The following SNRPN variants were observed in gnomAD, a reference collection of about 807,000 sequenced individuals.
SNRPN encodes the protein small nuclear ribonucleoprotein polypeptide N.
A neutral mutation model predicts 25.2 loss-of-function variants in SNRPN; 7 were observed. That is an observed-to-expected ratio of 0.28 (90% CI 0.16 to 0.52). The LOEUF (loss-of-function observed/expected upper bound fraction) is 0.52, where lower values mean the gene tolerates loss of function less well. Ranked by LOEUF, SNRPN falls within the 20% of genes least tolerant of loss-of-function variation. The pLI, the probability that SNRPN is intolerant of heterozygous loss-of-function variation, is 0.96. For missense variants in SNRPN, 196 were observed against 322.5 expected, an observed-to-expected ratio of 0.61 and a Z score of 3.00; for synonymous variants, 124 against 110.6, an observed-to-expected ratio of 1.12 and a Z score of -0.76.
intron 2 of SNRPN, among the ~76,000 whole-genome samples, chr15:24,905,529 A>ACAT (rs2058747818): frequency 6.6e-6 from 1 of 150,524 alleles, no homozygotes; most frequent in East Asian, 1.9e-4. Context: ...AAAAAAAGAC[A>ACAT]CATTATTTCA....
chr15:24,878,686 T>C (rs2056258875), intron 1 of SNRPN, among the ~76,000 whole-genome samples: 1 of 152,216 alleles, frequency 6.6e-6, no homozygotes, highest in Non-Finnish European at 1.5e-5. Context: ...CAGCCCCTCC[T>C]CTTGTTACAT....
At chr15:24,969,136 T>G (rs557884834) in intron 3 of SNRPN, among the ~76,000 whole-genome samples, 1 of 152,040 alleles carries the variant, frequency 6.6e-6, no homozygotes, top group South Asian at 2.1e-4. Context: ...ATTAATTAAT[T>G]TATTTATTTA....
intron 2 of SNRPN, among the ~76,000 whole-genome samples, chr15:24,835,381 T>C (rs543273737): frequency 6.6e-6 from 1 of 151,982 alleles, no homozygotes; most frequent in Non-Finnish European, 1.5e-5. Context: ...TGCCTAAGAA[T>C]TTAAAATTAC....
intron 1 of SNRPN, among the ~76,000 whole-genome samples, chr15:24,874,474 G>A (rs1478910182): frequency 3.9e-5 from 6 of 152,120 alleles, no homozygotes; most frequent in Admixed American, 1.3e-4. Context: ...TCTATCCACC[G>A]TGGGTTTATA....
Position 24,909,327 on chromosome 15 carries a change from C to G in SNRPN, c.-504-10684C>G, listed in dbSNP as rs550313637. 2.8e-5 allele frequency: 45 copies of G among 1,603,618 alleles called. No homozygotes were observed. The East Asian group carries it at 9.8e-4, about 35-fold the overall frequency. ...GGGATAGACAAGCCTCCATCCACAG[C>G]TCCCTTCAGGGCACCAAAAACTTTA... On this transcript the variant is annotated intron_variant, in intron 2 of 11. Transcript: ENST00000400097.
chr15:24,886,923 T>G (rs1441595603), intron 2 of SNRPN, among the ~76,000 whole-genome samples: 1 of 152,200 alleles, frequency 6.6e-6, no homozygotes, highest in Non-Finnish European at 1.5e-5. Flanking sequence ...GGCCACATCC[T>G]CTTTACTTAG....
intron 3 of SNRPN, among the ~76,000 whole-genome samples, chr15:24,943,115 A>G (rs1326513827): frequency 1.3e-5 from 2 of 151,714 alleles, no homozygotes; most frequent in African/African-American, 2.4e-5. Flanking sequence ...CAATTTTCCA[A>G]TCATGCTCCT....
chr15:24,923,924 T>TATATA (rs1491223826), intron 3 of SNRPN, among the ~76,000 whole-genome samples: 1 of 8,788 alleles, frequency 1.1e-4, no homozygotes, highest in African/African-American at 3.4e-4. Flanking sequence ...TATATAAACA[T>TATATA]TTTTTTTTTT....
chr15:24,969,743 G>T (rs892531706), intron 3 of SNRPN, among the ~76,000 whole-genome samples: 1 of 152,100 alleles, frequency 6.6e-6, no homozygotes, highest in East Asian at 1.9e-4. Flanking sequence ...TCTTATTCTA[G>T]TCTCAACTGC....
At position 24,974,326 on chromosome 15, in the gene SNRPN, T is replaced by C. The variant is rs1596330224; in HGVS notation, c.-128T>C. On this transcript the variant is annotated 5_prime_UTR_variant, in exon 4 of 10. Coordinates refer to ENST00000390687, the MANE Select transcript of SNRPN (RefSeq NM_003097.6). ...TCCTCTGCAGGCTCCATCTACTCTT[T>C]GAAGCTTCTGCCCAGCTTGCATTGT... 7.2e-6 allele frequency: 6 copies of C among 836,210 alleles called. No individual in the cohort carries two copies. The East Asian group carries it at 9.8e-5, about 14-fold the overall frequency. The allele number at this position is 836,210 out of a possible 1,614,324, so 51.8% of individuals were successfully genotyped here.
At chr15:24,825,558 A>C (rs2050025299) in intron 1 of SNRPN, among the ~76,000 whole-genome samples, 1 of 152,226 alleles carries the variant, frequency 6.6e-6, no homozygotes, top group Middle Eastern at 3.4e-3. Context: ...ATGGTTTCAT[A>C]AATTGAAAAT....
intron 1 of SNRPN, among the ~76,000 whole-genome samples, chr15:24,858,891 T>C (rs796569748): frequency 1.3e-5 from 2 of 152,226 alleles, no homozygotes; most frequent in African/African-American, 4.8e-5. Flanking sequence ...TTCTCTTTTT[T>C]CTTTCTGCCT....
At chr15:24,878,008 G>A (rs1044018543) in intron 1 of SNRPN, among the ~76,000 whole-genome samples, 6 of 152,242 alleles carry the variant, frequency 3.9e-5, no homozygotes, top group African/African-American at 7.2e-5. Context: ...ACACGATTGT[G>A]TTACCATGGA....
intron 1 of SNRPN, among the ~76,000 whole-genome samples, chr15:24,873,542 G>A (rs749303941): frequency 1.9e-4 from 28 of 150,154 alleles, no homozygotes; most frequent in East Asian, 4.0e-4. Flanking sequence ...CCGCCTCCCC[G>A]GTTCACACCA....
At chr15:24,911,185 A>C in intron 2 of SNRPN, 1 of 489,274 alleles carries the variant, frequency 2.0e-6, no homozygotes. Context: ...TTTAAAGGGA[A>C]GTTGAACATA....
At chr15:24,971,922 T>C (rs571481697) in intron 3 of SNRPN, among the ~76,000 whole-genome samples, 44 of 152,244 alleles carry the variant, frequency 2.9e-4, no homozygotes, top group African/African-American at 4.6e-4. Context: ...TGTTGTCTCT[T>C]TGGATGGCTG....
intron 1 of SNRPN, among the ~76,000 whole-genome samples, chr15:24,826,879 C>T (rs57631797): frequency 0.18 from 27,576 of 151,914 alleles, 3,129 homozygotes; most frequent in East Asian, 0.41. Context: ...ATGAGAACAA[C>T]GTAGAGAGTA....
chr15:24,931,395 A>G (rs1260999538), intron 3 of SNRPN, among the ~76,000 whole-genome samples: 2 of 152,152 alleles, frequency 1.3e-5, no homozygotes, highest in African/African-American at 2.4e-5. Flanking sequence ...CATGAACTGA[A>G]CTCAACTTTG....
upstream of SNRPN, chr15:24,954,965 C>T: frequency 6.3e-7 from 1 of 1,587,578 alleles, no homozygotes; most frequent in Non-Finnish European, 8.6e-7. Context: ...GCGAAGCCTG[C>T]CGCTGCTGCA....
Sources: gnomAD v4.1 joint callset for allele counts (sites outside exome capture counted in the v4.1 genomes callset) on GRCh38, gnomAD v4.1.1 for gene constraint, MANE v1.5 for transcripts, NCBI Gene and HGNC (gene_info 2026-07-23, HGNC 2026-07-21) for gene names.